Variants in KLF13 observed in about 807,000 individuals in gnomAD.
The protein encoded by KLF13 is Krueppel-like factor 13.
In KLF13, 8 loss-of-function variants were observed where a neutral mutation model predicts 16.7. The ratio of observed to expected loss-of-function variants is 0.48; its 90% confidence interval spans 0.28 to 0.87. KLF13 has a LOEUF of 0.87. Among genes scored for constraint, KLF13 ranks in the 40% least tolerant of loss-of-function variants. KLF13 has a pLI of 0.10. For synonymous variants in KLF13, 245 were observed against 208.4 expected, an observed-to-expected ratio of 1.18 and a Z score of -1.51; for missense variants, 447 against 452.2, an observed-to-expected ratio of 0.99 and a Z score of 0.10.
chr15:31,331,428 A>T lies in KLF13; in HGVS notation c.577+3639A>T, dbSNP rs535323530. Among the ~76,000 whole-genome samples, 106 of 152,344 alleles carry T rather than the reference A, an allele frequency of 7.0e-4. 1 individual carries two copies. The South Asian group carries it at 0.021, about 30-fold the overall frequency. On this transcript the variant is annotated intron_variant, in intron 1 of 1. Coordinates refer to ENST00000307145, the MANE Select transcript of KLF13 (RefSeq NM_015995.4). ...TGAAGCAAGGATTTGATCCTGACAG[A>T]TTATTGCGACCCCTCCCCCAGGGCA...
chr15:31,372,847 TTG>T lies in KLF13; in HGVS notation c.*549_*550del, dbSNP rs2039578051. 1 of 152,612 alleles carries T rather than the reference TTG, an allele frequency of 6.6e-6. No homozygotes were observed. Among genetic ancestry groups the T allele is most frequent in the African/African-American group, 2.4e-5 (1 of 41,464 alleles). The allele number at this position is 152,612 out of a possible 1,614,324, so 9.5% of individuals were successfully genotyped here. On this transcript the variant is annotated 3_prime_UTR_variant, in exon 2 of 2. Coordinates refer to ENST00000307145, the MANE Select transcript of KLF13 (RefSeq NM_015995.4). ...CTCTGCCCAACGAGCCTGGCTGGGC[TTG>T]CAACGCAGCTGATTCTGAGACAGGC...
At chr15:31,356,955 C>T (rs557892817) in intron 1 of KLF13, among the ~76,000 whole-genome samples, 15 of 152,336 alleles carry the variant, frequency 9.8e-5, no homozygotes, top group African/African-American at 3.6e-4. Flanking sequence ...ACCTCACCTC[C>T]TGTGTTCTCA....
chr15:31,363,490 A>G (rs886375035), intron 1 of KLF13, among the ~76,000 whole-genome samples: 3 of 151,990 alleles, frequency 2.0e-5, no homozygotes, highest in African/African-American at 7.3e-5. Context: ...AGTCAAATAG[A>G]TTGATTGATT....
At chr15:31,391,579 A>G (rs972769962), upstream of KLF13, among the ~76,000 whole-genome samples, 1 of 151,660 alleles carries the variant, frequency 6.6e-6, no homozygotes, top group Admixed American at 6.6e-5. Flanking sequence ...CCCCACACCC[A>G]TTTCTGGGAT....
intron 1 of KLF13, among the ~76,000 whole-genome samples, chr15:31,328,392 G>T (rs2038760537): frequency 6.6e-6 from 1 of 152,004 alleles, no homozygotes; most frequent in South Asian, 2.1e-4. Context: ...CAAAGTCAGC[G>T]GCGGCGCTTG....
downstream of KLF13, among the ~76,000 whole-genome samples, chr15:31,409,601 CA>C (rs978734734): frequency 1.3e-5 from 2 of 151,918 alleles, no homozygotes; most frequent in East Asian, 3.9e-4. Context: ...TTTCCAAAAA[CA>C]AAAAACAAAG....
intron 1 of KLF13, among the ~76,000 whole-genome samples, chr15:31,338,110 G>T (rs968364863): frequency 6.6e-6 from 1 of 152,150 alleles, no homozygotes; most frequent in African/African-American, 2.4e-5. Flanking sequence ...TGATGGGCTG[G>T]GTAGTACACT....
chr15:31,355,726 A>G (rs1473942852), intron 1 of KLF13, among the ~76,000 whole-genome samples: 2 of 152,076 alleles, frequency 1.3e-5, no homozygotes, highest in African/African-American at 4.8e-5. Flanking sequence ...CATGACAGTA[A>G]ATGCTAGTTG....
At chr15:31,416,999 A>C (rs1230707747) in intron 1 of KLF13, among the ~76,000 whole-genome samples, 1 of 152,160 alleles carries the variant, frequency 6.6e-6, no homozygotes, top group African/African-American at 2.4e-5. Context: ...TGGCAATGTT[A>C]TGAGTAATTA....
At chr15:31,367,875 C>T (rs1321710116) in intron 1 of KLF13, among the ~76,000 whole-genome samples, 1 of 152,190 alleles carries the variant, frequency 6.6e-6, no homozygotes, top group Non-Finnish European at 1.5e-5. Context: ...TCACACATTA[C>T]CGCAAACTGG....
intron 1 of KLF13, among the ~76,000 whole-genome samples, chr15:31,428,006 C>T (rs2040419450): frequency 6.6e-6 from 1 of 152,118 alleles, no homozygotes; most frequent in South Asian, 2.1e-4. Context: ...CAGACCCAAA[C>T]CATATCAAAT....
chr15:31,347,917 C>T (rs1183240585), intron 1 of KLF13, among the ~76,000 whole-genome samples: 1 of 152,226 alleles, frequency 6.6e-6, no homozygotes, highest in Non-Finnish European at 1.5e-5. Flanking sequence ...GAAGGTGACA[C>T]CCTCCTAACA....
intron 1 of KLF13, among the ~76,000 whole-genome samples, chr15:31,331,525 C>T (rs1014278656): frequency 7.1e-6 from 1 of 140,044 alleles, no homozygotes. Flanking sequence ...CCTGATGCTG[C>T]TGCCTGGGAA....
At position 31,376,864 on chromosome 15, in the gene KLF13, C is replaced by G. The variant is rs2039655258; in HGVS notation, c.*4565C>G. 1 of 152,430 alleles carries G rather than the reference C, an allele frequency of 6.6e-6. No homozygotes were observed. Among genetic ancestry groups the G allele is most frequent in the African/African-American group, 2.4e-5 (1 of 41,370 alleles). 9.4% of individuals were successfully genotyped at this position (152,430 alleles called of 1,614,324 possible). Reference sequence around the variant, plus strand: ...GGCCACCTGGCCCTGCCCTGCCTCTCTCTTTCTCATACAGCTTTAAAACTT... The same window carrying G: ...GGCCACCTGGCCCTGCCCTGCCTCTGTCTTTCTCATACAGCTTTAAAACTT... On this transcript the variant is annotated 3_prime_UTR_variant, in exon 2 of 2. Transcript: ENST00000307145.
At chr15:31,390,448 T>C (rs957768543), upstream of KLF13, among the ~76,000 whole-genome samples, 1 of 152,242 alleles carries the variant, frequency 6.6e-6, no homozygotes, top group African/African-American at 2.4e-5. Context: ...TACTTGCCAA[T>C]CATCTTCTTA....
chr15:31,346,742 G>A (rs2039128171), intron 1 of KLF13, among the ~76,000 whole-genome samples: 1 of 152,256 alleles, frequency 6.6e-6, no homozygotes, highest in Admixed American at 6.5e-5. Flanking sequence ...AAATCTTTCA[G>A]TTTCTAGCGA....
At position 31,423,106 on chromosome 15, in the gene KLF13, C is replaced by CGTATATATACGTATATATATGTATAT. The variant is rs1566848109; in HGVS notation, n.118-12259_118-12258insTATACGTATATATATGTATATGTATA. On this transcript the variant is annotated intron_variant and non_coding_transcript_variant, in intron 1 of 1. Transcript: ENST00000558225. ...ATATATATACGTATATATACGTATA[C>CGTATATATACGTATATATATGTATAT]GTATACGTATATATACGTATATATA... Among the ~76,000 whole-genome samples, 19 of 54,170 alleles carry CGTATATATACGTATATATATGTATAT rather than the reference C, an allele frequency of 3.5e-4. 1 individual carries two copies. Among genetic ancestry groups the CGTATATATACGTATATATATGTATAT allele is most frequent in the East Asian group, 8.7e-4 (2 of 2,302 alleles). The allele number at this position is 54,170 out of a possible 152,430, so 35.5% of individuals were successfully genotyped here.
intron 2 of KLF13, among the ~76,000 whole-genome samples, chr15:31,400,537 C>T (rs1181809929): frequency 2.0e-5 from 3 of 152,106 alleles, no homozygotes; most frequent in Admixed American, 2.0e-4. Context: ...GTGGCTGGTC[C>T]CAGAGCTGGG....
exon 3 of KLF13, chr15:31,404,675 C>G (rs187669922): frequency 6.6e-5 from 10 of 152,264 alleles, no homozygotes; most frequent in Admixed American, 4.6e-4. Context: ...GGGTCCCCAT[C>G]CCTGTTGTGG....
Sources: allele counts gnomAD v4.1 joint callset (sites outside exome capture counted in the v4.1 genomes callset), GRCh38; gene constraint gnomAD v4.1.1; transcripts MANE v1.5; gene names NCBI Gene and HGNC (gene_info 2026-07-23, HGNC 2026-07-21).